Variants in IGF2BP3 observed in about 807,000 individuals in gnomAD.
IGF2BP3 encodes the protein insulin like growth factor 2 mRNA binding protein 3, also known as insulin-like growth factor 2 mRNA-binding protein 3.
Under a neutral mutation model 73.8 loss-of-function variants are expected in IGF2BP3, and 9 were observed. The ratio of observed to expected loss-of-function variants is 0.12; its 90% CI spans 0.07 to 0.21. The LOEUF is 0.21. Ranked by LOEUF, IGF2BP3 falls within the 10% of genes least tolerant of loss-of-function variation. The pLI is 1.00. For synonymous variants in IGF2BP3, 258 were observed against 256.7 expected (o/e 1.01, Z -0.05); for missense variants, 542 against 714.0 (o/e 0.76, Z 2.75).
At chr7:23,396,953 AGATGGGAAAGG>A (rs2128523682) in intron 3 of IGF2BP3, among the ~76,000 whole-genome samples, 1 of 152,302 alleles carries the variant, frequency 6.6e-6, no homozygotes, top group East Asian at 1.9e-4. Flanking sequence ...CCATTTTCAC[AGATGGGAAAGG>A]GACTCTGTAT....
At chr7:23,372,926 T>C (rs902405404) in intron 3 of IGF2BP3, among the ~76,000 whole-genome samples, 1 of 152,186 alleles carries the variant, frequency 6.6e-6, no homozygotes, top group Non-Finnish European at 1.5e-5. Flanking sequence ...TGTCAGAACT[T>C]GGACAGATAA....
chr7:23,327,640 A>C (rs1221065838), intron 10 of IGF2BP3, among the ~76,000 whole-genome samples: 1 of 152,148 alleles, frequency 6.6e-6, no homozygotes, highest in Non-Finnish European at 1.5e-5. Flanking sequence ...CAAAAATCTC[A>C]GGAACTAGGT....
intron 3 of IGF2BP3, among the ~76,000 whole-genome samples, chr7:23,408,221 TC>T (rs200207884): frequency 0.016 from 2,385 of 147,242 alleles, 79 homozygotes; most frequent in African/African-American, 0.056. Context: ...TCATTGGAGG[TC>T]CTAGACAGTA....
chr7:23,335,972 A>C (rs936784030), intron 10 of IGF2BP3, among the ~76,000 whole-genome samples: 6 of 152,210 alleles, frequency 3.9e-5, no homozygotes, highest in African/African-American at 1.4e-4. Context: ...TGGAAGAACC[A>C]ACTCTTTGGC....
At chr7:23,428,629 C>T (rs992580696) in intron 2 of IGF2BP3, among the ~76,000 whole-genome samples, 2 of 150,674 alleles carry the variant, frequency 1.3e-5, no homozygotes, top group African/African-American at 4.9e-5. Flanking sequence ...ACCGCTTGGG[C>T]CCACGAAGTT....
At chr7:23,430,445 C>T (rs1007292661) in intron 2 of IGF2BP3, among the ~76,000 whole-genome samples, 5 of 152,202 alleles carry the variant, frequency 3.3e-5, no homozygotes, top group African/African-American at 4.8e-5. Context: ...AAAGCCAAGC[C>T]TTATGGCTCA....
At chr7:23,430,734 T>C (rs888474220) in intron 2 of IGF2BP3, among the ~76,000 whole-genome samples, 1 of 152,238 alleles carries the variant, frequency 6.6e-6, no homozygotes, top group African/African-American at 2.4e-5. Context: ...TCCTGGTCTA[T>C]ATGTCAACTG....
intron 6 of IGF2BP3, among the ~76,000 whole-genome samples, chr7:23,349,136 T>A (rs1439238429): frequency 2.0e-5 from 3 of 152,214 alleles, no homozygotes; most frequent in Non-Finnish European, 2.9e-5. Context: ...TGCCATTTTT[T>A]AATAAGTACA....
chr7:23,327,721 C>T (rs958798218), intron 10 of IGF2BP3, among the ~76,000 whole-genome samples: 3 of 152,152 alleles, frequency 2.0e-5, no homozygotes, highest in African/African-American at 7.2e-5. Context: ...GCTCTGACAG[C>T]TTTACTAGAT....
intron 3 of IGF2BP3, among the ~76,000 whole-genome samples, chr7:23,367,762 T>C (rs1583944411): frequency 6.6e-6 from 1 of 151,470 alleles, no homozygotes; most frequent in Non-Finnish European, 1.5e-5. Context: ...GCACTTTGGG[T>C]GGCCGAGGTG....
At chr7:23,345,869 T>C in intron 8 of IGF2BP3, 71 bp downstream of exon 8, 1 of 1,542,056 alleles carries the variant, frequency 6.5e-7, no homozygotes, top group East Asian at 2.3e-5. Context: ...AGTGGGAAGC[T>C]AAGCCCAATA....
intron 8 of IGF2BP3, 83 bp downstream of exon 8, chr7:23,345,857 A>G (rs1379242101): frequency 1.4e-6 from 2 of 1,472,018 alleles, no homozygotes; most frequent in East Asian, 4.5e-5. Context: ...AAGCAGCTGT[A>G]AAGTGGGAAG....
At chr7:23,448,631 T>C (rs952239198) in intron 2 of IGF2BP3, among the ~76,000 whole-genome samples, 1 of 151,816 alleles carries the variant, frequency 6.6e-6, no homozygotes, top group African/African-American at 2.4e-5. Flanking sequence ...GTTTGTTTGT[T>C]TGTTTGTTTG....
At chr7:23,441,766 A>G (rs772455920) in intron 2 of IGF2BP3, among the ~76,000 whole-genome samples, 8 of 152,118 alleles carry the variant, frequency 5.3e-5, no homozygotes, top group Non-Finnish European at 1.0e-4. Context: ...GACAGTGGTT[A>G]AAAATATTAT....
intron 10 of IGF2BP3, among the ~76,000 whole-genome samples, chr7:23,334,320 ACT>A (rs544163107): frequency 6.6e-6 from 1 of 152,178 alleles, no homozygotes; most frequent in African/African-American, 2.4e-5. Flanking sequence ...ACAGAGCGAG[ACT>A]CTGTCTCAAA....
At chr7:23,336,248 A>T (rs913998493) in intron 10 of IGF2BP3, among the ~76,000 whole-genome samples, 1 of 152,236 alleles carries the variant, frequency 6.6e-6, no homozygotes, top group Non-Finnish European at 1.5e-5. Context: ...CAGGCAATAT[A>T]CATTTAAAAT....
intron 3 of IGF2BP3, chr7:23,414,358 G>A (rs796242543): frequency 6.6e-6 from 1 of 152,260 alleles, no homozygotes; most frequent in African/African-American, 2.4e-5. Context: ...GTGGAATACA[G>A]ATAACATAAA....
intron 10 of IGF2BP3, among the ~76,000 whole-genome samples, chr7:23,326,397 C>G (rs1784297010): frequency 1.3e-5 from 2 of 152,044 alleles, no homozygotes; most frequent in Admixed American, 1.3e-4. Context: ...GAATGGCAAT[C>G]ATTAAAAAGT....
In IGF2BP3 at chr7:23,312,353, C is replaced by A; in HGVS notation, c.*9G>T. On this transcript the variant is annotated 3_prime_UTR_variant, in exon 15 of 15. Transcript: ENST00000258729. ...CATCTGCCTCTGTGGTGGGCTGTTT[C>A]CTGAGCCTTTACTTCCGTCTTGACT... 1 of 1,602,768 alleles carries A rather than the reference C, an allele frequency of 6.2e-7. No homozygotes were observed. The highest frequency in any genetic ancestry group is 1.1e-5 in the South Asian group (1 of 90,830).
Sources: gnomAD v4.1 joint callset for allele counts (sites outside exome capture counted in the v4.1 genomes callset) on GRCh38, gnomAD v4.1.1 for gene constraint, MANE v1.5 for transcripts, NCBI Gene and HGNC (gene_info 2026-07-23, HGNC 2026-07-21) for gene names.